Variants in SVOP observed in about 807,000 individuals in gnomAD.
SVOP encodes the protein SV2 related protein.
SVOP carries 17 observed loss-of-function variants against 69.1 expected under a neutral mutation model. That is an observed-to-expected ratio of 0.25 (90% CI 0.17 to 0.37). The LOEUF is 0.37. Ranked by LOEUF, SVOP falls within the 10% of genes least tolerant of loss-of-function variation. The probability of loss-of-function intolerance (pLI) is 1.00; values close to 1 mark genes in which losing one functional copy is unlikely to be tolerated. For missense variants in SVOP, 435 were observed against 597.5 expected (o/e 0.73, Z 2.84); for synonymous variants, 238 against 238.6 (o/e 1.00, Z 0.02).
At chr12:108,943,481 C>T (rs1330906032) in intron 7 of SVOP, among the ~76,000 whole-genome samples, 1 of 151,776 alleles carries the variant, frequency 6.6e-6, no homozygotes, top group Non-Finnish European at 1.5e-5. Flanking sequence ...CACCTGTAAT[C>T]CCAGCTACTC....
At chr12:108,923,713 T>C (rs1431365538) in intron 11 of SVOP, among the ~76,000 whole-genome samples, 1 of 152,102 alleles carries the variant, frequency 6.6e-6, no homozygotes, top group Admixed American at 6.5e-5. Flanking sequence ...TATGCACCAA[T>C]AGATAACTAA....
intron 12 of SVOP, among the ~76,000 whole-genome samples, chr12:108,920,485 T>G (rs1309029013): frequency 6.6e-6 from 1 of 152,146 alleles, no homozygotes; most frequent in African/African-American, 2.4e-5. Flanking sequence ...CATTTTCTTC[T>G]TCTATAAAAT....
intron 1 of SVOP, among the ~76,000 whole-genome samples, chr12:108,990,685 C>T (rs970816102): frequency 1.9e-5 from 1 of 51,284 alleles, no homozygotes; most frequent in Admixed American, 2.1e-4. Context: ...TAAAATAAAA[C>T]AAAACAGAAA....
In SVOP at chr12:108,922,744, G is replaced by C. The variant is rs1489077448; in HGVS notation, c.1102C>G (p.Leu368Val). 6.2e-7 allele frequency: 1 copy of C among 1,611,638 alleles called. No individual in the cohort carries two copies. Among genetic ancestry groups the C allele is most frequent in the East Asian group, 2.2e-5 (1 of 44,844 alleles). Reference sequence around the variant, plus strand: ...AAGTCCATGTAATCCTCCTCACTCAGGTACTCGCAGGCCAGGCTGCATTTT... The same window carrying C: ...AAGTCCATGTAATCCTCCTCACTCACGTACTCGCAGGCCAGGCTGCATTTT... ...EAKCSLACEY[L>V]SEEDYMDLLW... Residue 368 changes from leucine to valine, a missense_variant, in exon 12 of 16, where the codon CTG (leucine) becomes GTG (valine). Coordinates refer to ENST00000610966, the MANE Select transcript of SVOP (RefSeq NM_018711.5).
At chr12:108,997,650 A>AC (rs1470277591) in intron 1 of SVOP, among the ~76,000 whole-genome samples, 2 of 151,186 alleles carry the variant, frequency 1.3e-5, no homozygotes, top group Non-Finnish European at 3.0e-5. Flanking sequence ...TGGGTCCCTG[A>AC]CCCCTGACCC....
intron 1 of SVOP, among the ~76,000 whole-genome samples, chr12:108,997,143 A>C (rs1197068541): frequency 6.6e-6 from 1 of 152,060 alleles, no homozygotes; most frequent in Admixed American, 6.6e-5. Flanking sequence ...GCATTGCCTC[A>C]CTTGGGAAGC....
chr12:108,957,692 A>AGC (rs1021580333), intron 6 of SVOP, among the ~76,000 whole-genome samples: 2 of 152,260 alleles, frequency 1.3e-5, no homozygotes, highest in African/African-American at 4.8e-5. Flanking sequence ...TAAATGGACA[A>AGC]GCGCAGCAGC....
At chr12:108,980,477 G>A (rs970270316) in intron 2 of SVOP, among the ~76,000 whole-genome samples, 177 of 152,210 alleles carry the variant, frequency 1.2e-3, no homozygotes, top group African/African-American at 3.7e-3. Context: ...AGCCAGGTGT[G>A]GTGGCTCACG....
chr12:108,936,940 T>C (rs576629856), intron 10 of SVOP: 2 of 328,264 alleles, frequency 6.1e-6, no homozygotes, highest in Non-Finnish European at 1.2e-5. Context: ...CTTACAACTG[T>C]AATCCCAGAA....
At chr12:108,946,167 A>T (rs2039921741) in intron 6 of SVOP, among the ~76,000 whole-genome samples, 1 of 152,120 alleles carries the variant, frequency 6.6e-6, no homozygotes, top group Non-Finnish European at 1.5e-5. Context: ...ATCATGGCTC[A>T]CTGCAGCTTC....
chr12:109,008,221 C>T (rs2040320186), intron 1 of SVOP, among the ~76,000 whole-genome samples: 1 of 152,174 alleles, frequency 6.6e-6, no homozygotes, highest in Non-Finnish European at 1.5e-5. Context: ...CCCTGTGGAA[C>T]TGATTAAAAT....
intron 10 of SVOP, among the ~76,000 whole-genome samples, chr12:108,934,525 C>T (rs1295259345): frequency 6.6e-6 from 1 of 152,196 alleles, no homozygotes; most frequent in Non-Finnish European, 1.5e-5. Flanking sequence ...ACCAGAGCAC[C>T]TCCATCTTGA....
At position 108,912,371 on chromosome 12, in the gene SVOP, C is replaced by A; in HGVS notation, c.*164G>T. ...CATCTCCCCATCCCTGGGTGGACCT[C>A]AATGAAGATGAGCAAACTGAGTCAA... On this transcript the variant is annotated 3_prime_UTR_variant, in exon 16 of 16. Transcript: ENST00000610966. The A allele has an allele frequency of 6.7e-7, 1 of 1,485,892 alleles. No individual in the cohort carries two copies. The allele number at this position is 1,485,892 out of a possible 1,614,324, so 92.0% of individuals were successfully genotyped here. A position where few individuals can be genotyped will look rare whatever the true frequency, so the allele number is the denominator to read the frequency against.
intron 7 of SVOP, 134 bp from the exon 8 acceptor site, chr12:108,941,043 T>C (rs2039888429): frequency 7.8e-7 from 1 of 1,288,918 alleles, no homozygotes; most frequent in Non-Finnish European, 1.0e-6. Flanking sequence ...ATAGCCACAC[T>C]TTCCCTGTGG....
chr12:108,978,404 C>G (rs952782114), intron 3 of SVOP, 174 bp downstream of exon 3: 3 of 563,076 alleles, frequency 5.3e-6, no homozygotes, highest in Non-Finnish European at 9.4e-6. Flanking sequence ...CAGCTCTCCT[C>G]AAGCACAGAT....
chr12:108,997,268 C>T (rs1362810604), intron 1 of SVOP, among the ~76,000 whole-genome samples: 6 of 152,214 alleles, frequency 3.9e-5, no homozygotes, highest in Non-Finnish European at 5.9e-5. Context: ...TAAAAAACGG[C>T]GCACCACGAG....
At chr12:109,012,254 G>C (rs2040346091) in intron 1 of SVOP, among the ~76,000 whole-genome samples, 1 of 151,776 alleles carries the variant, frequency 6.6e-6, no homozygotes, top group South Asian at 2.1e-4. Context: ...CTGCACTCCA[G>C]CCTGAGCAAC....
intron 12 of SVOP, among the ~76,000 whole-genome samples, chr12:108,920,786 T>C (rs1243992552): frequency 1.3e-5 from 2 of 151,922 alleles, no homozygotes; most frequent in South Asian, 2.1e-4. Context: ...TTAGTAGAGA[T>C]GGAGTTTCAT....
intron 2 of SVOP, among the ~76,000 whole-genome samples, chr12:108,980,097 G>A (rs926661004): frequency 0.061 from 9,350 of 152,170 alleles, 999 homozygotes; most frequent in African/African-American, 0.21. Flanking sequence ...GATGACTTGA[G>A]CCAGGAAGGT....
Sources: gnomAD v4.1 joint callset for allele counts (sites outside exome capture counted in the v4.1 genomes callset) on GRCh38, gnomAD v4.1.1 for gene constraint, MANE v1.5 for transcripts, NCBI Gene and HGNC (gene_info 2026-07-23, HGNC 2026-07-21) for gene names.